ARB2A: variants seen among roughly 807,000 people sequenced by gnomAD.
ARB2A encodes cotranscriptional regulator ARB2A.
At chr5:93,633,729 A>T in the ARB2A span, among the ~76,000 whole-genome samples, 13 of 152,174 alleles carry the variant, frequency 8.5e-5, no homozygotes, top group Non-Finnish European at 1.6e-4. Context: ...ATCCAGTCAG[A>T]GATGAGATTA....
the ARB2A span, among the ~76,000 whole-genome samples, chr5:93,667,678 T>C: frequency 6.6e-6 from 1 of 152,174 alleles, no homozygotes; most frequent in Non-Finnish European, 1.5e-5. Context: ...AGGCTGGTCT[T>C]GAACTCTTGG....
At chr5:93,867,500 C>T in the ARB2A span, among the ~76,000 whole-genome samples, 1 of 152,256 alleles carries the variant, frequency 6.6e-6, no homozygotes, top group East Asian at 1.9e-4. Context: ...TCACTACAAC[C>T]TCCGCCTCCC....
At chr5:94,000,634 T>C in the ARB2A span, among the ~76,000 whole-genome samples, 1 of 152,114 alleles carries the variant, frequency 6.6e-6, no homozygotes, top group Non-Finnish European at 1.5e-5. Context: ...ACATTGTTTT[T>C]TGTAAAAGTT....
At chr5:93,723,483 T>C in the ARB2A span, among the ~76,000 whole-genome samples, 3 of 152,078 alleles carry the variant, frequency 2.0e-5, no homozygotes, top group Non-Finnish European at 4.4e-5. Context: ...TTTATAGACA[T>C]CAAAGCTAAG....
the ARB2A span, among the ~76,000 whole-genome samples, chr5:93,644,583 AC>A: frequency 1.3e-5 from 2 of 152,232 alleles, no homozygotes; most frequent in Non-Finnish European, 2.9e-5. Flanking sequence ...CTGAGAGGTC[AC>A]CAGTATACCA....
the ARB2A span, among the ~76,000 whole-genome samples, chr5:94,028,821 T>C: frequency 2.0e-5 from 3 of 152,180 alleles, no homozygotes; most frequent in African/African-American, 7.2e-5. Flanking sequence ...TCTCCCTAAA[T>C]AGTTTACATG....
chr5:93,931,574 G>T, the ARB2A span, among the ~76,000 whole-genome samples: 2 of 152,212 alleles, frequency 1.3e-5, no homozygotes, highest in Admixed American at 1.3e-4. Flanking sequence ...TATACTAATT[G>T]CCATGTTCCC....
At chr5:93,668,247 G>C in the ARB2A span, among the ~76,000 whole-genome samples, 19 of 152,270 alleles carry the variant, frequency 1.2e-4, no homozygotes, top group Non-Finnish European at 2.1e-4. Context: ...GTGACTACAG[G>C]CATGCACCAC....
chr5:93,881,865 T>C, the ARB2A span, among the ~76,000 whole-genome samples: 7 of 151,386 alleles, frequency 4.6e-5, no homozygotes, highest in African/African-American at 1.7e-4. Flanking sequence ...TTAAAATTGT[T>C]TGCCTTTATT....
the ARB2A span, chr5:93,741,262 G>C: frequency 1.4e-5 from 23 of 1,613,848 alleles, no homozygotes; most frequent in South Asian, 2.5e-4. Flanking sequence ...GTAGGGCCCC[G>C]GGAGGGCGCC....
chr5:94,034,371 T>C, the ARB2A span, among the ~76,000 whole-genome samples: 3 of 152,166 alleles, frequency 2.0e-5, no homozygotes, highest in African/African-American at 4.8e-5. Context: ...AAAAGGTTGA[T>C]TTTTCTAATT....
chr5:94,093,891 T>C, the ARB2A span, among the ~76,000 whole-genome samples: 6 of 151,998 alleles, frequency 3.9e-5, no homozygotes, highest in Non-Finnish European at 7.4e-5. Flanking sequence ...AGGCAAACAA[T>C]AGACATTCCC....
the ARB2A span, among the ~76,000 whole-genome samples, chr5:93,770,852 C>T: frequency 3.3e-5 from 5 of 152,102 alleles, no homozygotes; most frequent in East Asian, 5.8e-4. Flanking sequence ...TAGGAAGAAT[C>T]AATATCATGA....
the ARB2A span, among the ~76,000 whole-genome samples, chr5:93,663,040 A>G: frequency 6.6e-6 from 1 of 152,080 alleles, no homozygotes; most frequent in African/African-American, 2.4e-5. Flanking sequence ...AAGGGAACCT[A>G]ATTGCATTGA....
chr5:93,707,457 T>TA, the ARB2A span, among the ~76,000 whole-genome samples: 2 of 152,066 alleles, frequency 1.3e-5, no homozygotes, highest in East Asian at 1.9e-4. Flanking sequence ...TTTTTTAAAT[T>TA]AAAAAATTCA....
the ARB2A span, among the ~76,000 whole-genome samples, chr5:94,064,701 G>C: frequency 1.3e-5 from 2 of 152,196 alleles, no homozygotes; most frequent in Non-Finnish European, 2.9e-5. Context: ...AGTGCCGAAA[G>C]AGAGAAAACT....
At chr5:93,991,614 G>GA in the ARB2A span, among the ~76,000 whole-genome samples, 18 of 149,302 alleles carry the variant, frequency 1.2e-4, no homozygotes, top group South Asian at 4.2e-4. Context: ...GCCAAGAACT[G>GA]AAAAAAAAAT....
chr5:93,989,275 T>C, the ARB2A span, among the ~76,000 whole-genome samples: 2 of 152,210 alleles, frequency 1.3e-5, no homozygotes, highest in Admixed American at 6.5e-5. Context: ...AAATTTATGA[T>C]ATAATGTACA....
At chr5:94,082,055 A>T in the ARB2A span, among the ~76,000 whole-genome samples, 1 of 152,306 alleles carries the variant, frequency 6.6e-6, no homozygotes, top group African/African-American at 2.4e-5. Context: ...AAGAACAAAC[A>T]TATTATTTTC....
Sources: allele counts gnomAD v4.1 joint callset (sites outside exome capture counted in the v4.1 genomes callset), GRCh38; gene constraint gnomAD v4.1.1; transcripts MANE v1.5; gene names NCBI Gene and HGNC (gene_info 2026-07-23, HGNC 2026-07-21).